The following PRKN variants were observed in gnomAD, a reference collection of about 807,000 sequenced individuals.
PRKN encodes E3 ubiquitin-protein ligase parkin.
In PRKN, 56 loss-of-function variants were observed where a neutral mutation model predicts 59.5. That is an observed-to-expected ratio of 0.94 (90% CI 0.76 to 1.18). The LOEUF is 1.18. Ranked by LOEUF, PRKN falls within the 50% of genes most tolerant of loss-of-function variation. PRKN has a pLI of 0.00. For missense variants in PRKN, 657 were observed against 596.4 expected, an observed-to-expected ratio of 1.10 and a Z score of -1.06; for synonymous variants, 250 against 222.1, an observed-to-expected ratio of 1.13 and a Z score of -1.12.
Position 162,498,446 on chromosome 6 carries a change from T to C in PRKN, c.8-54973A>G, listed in dbSNP as rs9365452. ...GGAGTTTCTTTCCTTTTTCTTTTTT[T>C]TTTTTTTTTTTTTTTTGAGATGGAG... On this transcript the variant is annotated intron_variant, in intron 1 of 11. Coordinates refer to ENST00000366898, the MANE Select transcript of PRKN (RefSeq NM_004562.3). Among the ~76,000 whole-genome samples, 847 of 111,138 alleles carry C rather than the reference T, an allele frequency of 7.6e-3. 48 individuals are homozygous for C. Among genetic ancestry groups the C allele is most frequent in the African/African-American group, 0.029 (800 of 27,452 alleles). The allele number at this position is 111,138 out of a possible 152,430, so 72.9% of individuals were successfully genotyped here. A position where few individuals can be genotyped will look rare whatever the true frequency, so the allele number is the denominator to read the frequency against.
At chr6:162,143,340 T>TG (rs1781869379) in intron 4 of PRKN, among the ~76,000 whole-genome samples, 1 of 152,216 alleles carries the variant, frequency 6.6e-6, no homozygotes, top group Non-Finnish European at 1.5e-5. Flanking sequence ...CCTTTCTTCT[T>TG]CTTGCTTGCA....
At chr6:162,137,393 G>A (rs1252966916) in intron 4 of PRKN, among the ~76,000 whole-genome samples, 3 of 152,138 alleles carry the variant, frequency 2.0e-5, no homozygotes, top group Non-Finnish European at 2.9e-5. Flanking sequence ...GGAAGCAGGT[G>A]AGGTACCTAA....
At chr6:162,651,809 TA>T (rs944878357) in intron 1 of PRKN, among the ~76,000 whole-genome samples, 1 of 151,510 alleles carries the variant, frequency 6.6e-6, no homozygotes, top group Non-Finnish European at 1.5e-5. Flanking sequence ...ATGATAATGA[TA>T]AAAATAATAT....
At chr6:162,618,554 G>T (rs967188459) in intron 1 of PRKN, among the ~76,000 whole-genome samples, 1 of 152,082 alleles carries the variant, frequency 6.6e-6, no homozygotes, top group Non-Finnish European at 1.5e-5. Flanking sequence ...GGTTTTCTTC[G>T]TGAGTACGCT....
At chr6:161,705,261 A>G (rs1340693434) in intron 7 of PRKN, among the ~76,000 whole-genome samples, 1 of 152,200 alleles carries the variant, frequency 6.6e-6, no homozygotes, top group African/African-American at 2.4e-5. Context: ...ACCGAACATC[A>G]CAGCTTAGCC....
intron 6 of PRKN, among the ~76,000 whole-genome samples, chr6:161,874,757 A>G (rs1228622557): frequency 8.2e-6 from 1 of 122,334 alleles, no homozygotes; most frequent in Non-Finnish European, 1.6e-5. Flanking sequence ...TATATAATAT[A>G]TATAAAATAT....
chr6:162,579,909 A>G (rs1326060054), intron 1 of PRKN, among the ~76,000 whole-genome samples: 1 of 152,180 alleles, frequency 6.6e-6, no homozygotes, highest in Non-Finnish European at 1.5e-5. Context: ...ATATACACAG[A>G]ACCTCCCCAG....
At chr6:161,877,095 GTCCC>G in intron 6 of PRKN, among the ~76,000 whole-genome samples, 2 of 152,264 alleles carry the variant, frequency 1.3e-5, no homozygotes, top group Admixed American at 1.3e-4. Flanking sequence ...CCTATATGTA[GTCCC>G]GACCTTCCCT....
chr6:162,081,419 T>A (rs1357467976), intron 4 of PRKN, among the ~76,000 whole-genome samples: 1 of 152,154 alleles, frequency 6.6e-6, no homozygotes, highest in East Asian at 1.9e-4. Flanking sequence ...TTAGCAGGCA[T>A]GAAGACTACA....
intron 6 of PRKN, 138 bp downstream of exon 6, chr6:161,973,164 T>TC: frequency 2.9e-6 from 2 of 690,522 alleles, no homozygotes; most frequent in South Asian, 3.1e-5. Context: ...AAGCAGACAC[T>TC]CCCCAGGAAA....
Position 162,517,153 on chromosome 6 carries a change from G to GA in PRKN, c.8-73681dup, listed in dbSNP as rs560795212. 4.0e-3 allele frequency among the ~76,000 whole-genome samples: 589 copies of GA among 146,056 alleles called. 3 individuals carry two copies. Among genetic ancestry groups the GA allele is most frequent in the Middle Eastern group, 0.017 (5 of 286 alleles). Reference sequence around the variant, plus strand: ...TTGCTGCATTTTAGACTCTTGTGGGGAGCTTTAAAACTCTTGATGTCCAAG... The same window carrying GA: ...TTGCTGCATTTTAGACTCTTGTGGGGAAGCTTTAAAACTCTTGATGTCCAAG... On this transcript the variant is annotated intron_variant, in intron 1 of 11. Coordinates refer to ENST00000366898, the MANE Select transcript of PRKN (RefSeq NM_004562.3).
intron 6 of PRKN, among the ~76,000 whole-genome samples, chr6:161,825,990 A>C (rs1416075133): frequency 6.6e-6 from 1 of 152,042 alleles, no homozygotes; most frequent in African/African-American, 2.4e-5. Context: ...TTTTCACCCT[A>C]GCCATCCCGG....
intron 7 of PRKN, among the ~76,000 whole-genome samples, chr6:161,599,607 C>A (rs1782036425): frequency 6.6e-6 from 1 of 152,142 alleles, no homozygotes; most frequent in South Asian, 2.1e-4. Context: ...ATAAGGAAGG[C>A]ATTGGACTTC....
At chr6:162,356,174 G>A (rs770673719) in intron 2 of PRKN, among the ~76,000 whole-genome samples, 1 of 152,064 alleles carries the variant, frequency 6.6e-6, no homozygotes, top group East Asian at 1.9e-4. Flanking sequence ...TCTACCCTTG[G>A]TCACTACTAC....
intron 9 of PRKN, among the ~76,000 whole-genome samples, chr6:161,493,220 A>C (rs1777623234): frequency 6.6e-6 from 1 of 152,220 alleles, no homozygotes; most frequent in African/African-American, 2.4e-5. Flanking sequence ...CACACATGTA[A>C]TAATTAAAGT....
intron 1 of PRKN, among the ~76,000 whole-genome samples, chr6:162,483,662 A>G (rs928265836): frequency 1.3e-5 from 2 of 152,184 alleles, no homozygotes; most frequent in Non-Finnish European, 2.9e-5. Flanking sequence ...GCCATCTCAC[A>G]GATTGCTGGA....
rs1239892559 is a variant in PRKN at position 161,526,179 on chromosome 6, C to G, written c.1083+22675G>C. ...TCTCATCACAGTCAGTTTCAAGCTG[C>G]CAACATGAAGTTGCTGAACATGGAG... On this transcript the variant is annotated intron_variant, in intron 9 of 11. Coordinates refer to ENST00000366898, the MANE Select transcript of PRKN (RefSeq NM_004562.3). This position sits in a 1 kb window ranked among gnomAD's most constrained non-coding sequence, Gnocchi z 4.1. Among the ~76,000 whole-genome samples, 3 of 152,162 alleles carry G rather than the reference C, an allele frequency of 2.0e-5. No homozygotes were observed. Among genetic ancestry groups the G allele is most frequent in the African/African-American group, 7.2e-5 (3 of 41,440 alleles).
chr6:162,045,166 A>G (rs1365362530), intron 5 of PRKN, among the ~76,000 whole-genome samples: 1 of 152,186 alleles, frequency 6.6e-6, no homozygotes, highest in African/African-American at 2.4e-5. Context: ...CTAGATTCCT[A>G]CATCCTGAAA....
chr6:162,580,872 T>C (rs1780764180), intron 1 of PRKN, among the ~76,000 whole-genome samples: 1 of 152,232 alleles, frequency 6.6e-6, no homozygotes, highest in South Asian at 2.1e-4. Flanking sequence ...CCTTTGCCAC[T>C]TCTTCAGAGA....
Sources: gnomAD v4.1 joint callset for allele counts (sites outside exome capture counted in the v4.1 genomes callset) on GRCh38, gnomAD v4.1.1 for gene constraint, Gnocchi (gnomAD v3.1) non-coding constraint, MANE v1.5 for transcripts, NCBI Gene and HGNC (gene_info 2026-07-23, HGNC 2026-07-21) for gene names.